RELL1: variants seen among roughly 807,000 people sequenced by gnomAD.
RELL1 encodes the protein RELT like 1, also known as RELT-like protein 1.
In RELL1, 10 loss-of-function variants were observed where a neutral mutation model predicts 23.0. The observed-to-expected ratio is 0.43, with a 90% CI of 0.27 to 0.74. The LOEUF is 0.74. RELL1 is among the 30% of genes least tolerant of loss of function. The pLI is 0.19. For missense variants in RELL1, 315 were observed against 364.4 expected, an observed-to-expected ratio of 0.86 and a Z score of 1.10; for synonymous variants, 146 against 146.8, an observed-to-expected ratio of 0.99 and a Z score of 0.04.
chr4:37,634,026 C>T (rs569536479), intron 5 of RELL1, among the ~76,000 whole-genome samples: 30 of 152,364 alleles, frequency 2.0e-4, no homozygotes, highest in African/African-American at 6.7e-4. Context: ...TACCAGTACT[C>T]CCCACTGTCT....
Position 37,686,373 on chromosome 4 carries a change from G to T in RELL1, c.-86C>A. On this transcript the variant is annotated 5_prime_UTR_variant, in exon 1 of 7. Transcript: ENST00000454158. ...CCGCTCCGGAGCCGGCGGGCTGATC[G>T]AGTGGCTGGGCTGGGCCCCAGGGAG... The T allele has an allele frequency of 4.6e-6, 5 of 1,091,358 alleles. No homozygotes were observed. The highest frequency in any genetic ancestry group is 1.8e-5 in the South Asian group (1 of 56,934). 67.6% of individuals were successfully genotyped at this position (1,091,358 alleles called of 1,614,324 possible). A position where few individuals can be genotyped will look rare whatever the true frequency, so the allele number is the denominator to read the frequency against.
intron 6 of RELL1, among the ~76,000 whole-genome samples, chr4:37,595,450 G>A (rs1176277826): frequency 1.3e-5 from 2 of 152,168 alleles, no homozygotes; most frequent in African/African-American, 4.8e-5. Context: ...TACGGCACAA[G>A]GGGGGAACTC....
intron 1 of RELL1, among the ~76,000 whole-genome samples, chr4:37,659,101 T>C (rs1295864989): frequency 6.6e-6 from 1 of 152,164 alleles, no homozygotes; most frequent in Non-Finnish European, 1.5e-5. Context: ...GCCACTGAAA[T>C]AGGCAGAGCT....
chr4:37,660,349 T>C (rs1721283678), intron 1 of RELL1, among the ~76,000 whole-genome samples: 1 of 152,054 alleles, frequency 6.6e-6, no homozygotes, highest in Admixed American at 6.6e-5. Context: ...CCCAACCTTC[T>C]GCAGCCTCAT....
At chr4:37,659,779 T>A (rs949272309) in intron 1 of RELL1, among the ~76,000 whole-genome samples, 1 of 152,044 alleles carries the variant, frequency 6.6e-6, no homozygotes, top group Non-Finnish European at 1.5e-5. Context: ...CACGAGCCCA[T>A]CCTCCATGTC....
chr4:37,632,701 T>TA (rs35821158), intron 5 of RELL1, among the ~76,000 whole-genome samples: 18,237 of 151,930 alleles, frequency 0.12, 1,241 homozygotes, highest in Middle Eastern at 0.2. Context: ...AGTAAGCCTT[T>TA]AAAAAAAATG....
intron 1 of RELL1, among the ~76,000 whole-genome samples, chr4:37,655,238 G>A (rs565030838): frequency 1.8e-5 from 2 of 112,696 alleles, no homozygotes; most frequent in East Asian, 2.2e-4. Flanking sequence ...TCATTGTGAT[G>A]GGAAATATAT....
intron 1 of RELL1, among the ~76,000 whole-genome samples, chr4:37,657,379 G>A (rs1721152563): frequency 6.6e-6 from 1 of 152,070 alleles, no homozygotes; most frequent in Admixed American, 6.5e-5. Flanking sequence ...AGGAGGGTAG[G>A]GTAGTTCACC....
At chr4:37,649,844 T>G (rs1360462678) in intron 1 of RELL1, among the ~76,000 whole-genome samples, 2 of 152,226 alleles carry the variant, frequency 1.3e-5, no homozygotes, top group African/African-American at 4.8e-5. Flanking sequence ...AAACACAGAA[T>G]GAACACATAA....
At chr4:37,679,243 A>G (rs1290364370) in intron 1 of RELL1, among the ~76,000 whole-genome samples, 3 of 152,196 alleles carry the variant, frequency 2.0e-5, no homozygotes, top group Non-Finnish European at 4.4e-5. Context: ...TCTAGCCGAC[A>G]AGTTTCCATT....
Position 37,612,343 on chromosome 4 carries a change from AAAAAAC to A in RELL1, c.*997_*1002del, listed in dbSNP as rs1263039727. Among the ~76,000 whole-genome samples the A allele has an allele frequency of 3.4e-3, 382 of 110,836 alleles. 2 individuals are homozygous for A. Among genetic ancestry groups the A allele is most frequent in the African/African-American group, 0.015 (364 of 23,868 alleles). The allele number at this position is 110,836 out of a possible 152,430, so 72.7% of individuals were successfully genotyped here. On this transcript the variant is annotated 3_prime_UTR_variant, in exon 7 of 7. Transcript: ENST00000454158. ...AGGTTAAAAAAAAAAAAAAAACAAA[AAAAAAC>A]AAAAAACCGGGTGCAGTGGCCCACG... is the stretch of plus-strand genomic sequence containing the variant.
At chr4:37,659,764 G>A (rs1378949816) in intron 1 of RELL1, among the ~76,000 whole-genome samples, 2 of 152,088 alleles carry the variant, frequency 1.3e-5, no homozygotes, top group East Asian at 3.9e-4. Flanking sequence ...TGCTGGAGAT[G>A]AAGACACGAG....
At chr4:37,630,458 G>A (rs1269864065) in intron 6 of RELL1, among the ~76,000 whole-genome samples, 15 of 136,940 alleles carry the variant, frequency 1.1e-4, no homozygotes, top group South Asian at 1.0e-3. Context: ...TCCGCCTCCC[G>A]GGTTCACGCC....
intron 6 of RELL1, 40 bp from the exon 7 acceptor site, chr4:37,613,382 G>A (rs1427731135): frequency 6.6e-6 from 1 of 151,878 alleles, no homozygotes; most frequent in Non-Finnish European, 1.5e-5. Context: ...TTAACCAAGG[G>A]TAAGCATCAT....
intron 3 of RELL1, among the ~76,000 whole-genome samples, chr4:37,643,775 A>G (rs1720603124): frequency 1.3e-5 from 2 of 152,222 alleles, no homozygotes; most frequent in Non-Finnish European, 2.9e-5. Flanking sequence ...GCCGAACTCA[A>G]ACATGCTAGG....
At chr4:37,590,690 C>T, downstream of RELL1, 2 of 1,614,146 alleles carry the variant, frequency 1.2e-6, no homozygotes, top group African/African-American at 1.3e-5. Context: ...AAGAACCATA[C>T]TGAGGATGAA....
At chr4:37,620,463 A>C (rs1015928957) in intron 6 of RELL1, among the ~76,000 whole-genome samples, 1 of 152,254 alleles carries the variant, frequency 6.6e-6, no homozygotes, top group Admixed American at 6.5e-5. Flanking sequence ...AACTGACATC[A>C]AAAGTTATTC....
intron 6 of RELL1, among the ~76,000 whole-genome samples, chr4:37,619,028 C>T (rs191733628): frequency 9.9e-5 from 15 of 151,900 alleles, no homozygotes; most frequent in South Asian, 2.1e-4. Flanking sequence ...TACAGGCATG[C>T]GCCACCACCC....
chr4:37,683,160 G>A (rs1414100259), intron 1 of RELL1, among the ~76,000 whole-genome samples: 1 of 152,046 alleles, frequency 6.6e-6, no homozygotes, highest in Non-Finnish European at 1.5e-5. Context: ...ATTTTATGAC[G>A]TTCTAAACTA....
Sources: allele counts gnomAD v4.1 joint callset (sites outside exome capture counted in the v4.1 genomes callset), GRCh38; gene constraint gnomAD v4.1.1; transcripts MANE v1.5; gene names NCBI Gene and HGNC (gene_info 2026-07-23, HGNC 2026-07-21).